The following DYRK1A variants were observed in gnomAD, a reference collection of about 807,000 sequenced individuals.
DYRK1A encodes dual specificity tyrosine-phosphorylation-regulated kinase 1A.
DYRK1A carries 9 observed loss-of-function variants against 79.7 expected under a neutral mutation model. The observed-to-expected ratio is 0.11, with a 90% CI of 0.07 to 0.20. The LOEUF (loss-of-function observed/expected upper bound fraction) is 0.20, where lower values mean the gene tolerates loss of function less well. Among genes scored for constraint, DYRK1A ranks in the 10% least tolerant of loss-of-function variants. DYRK1A has a pLI of 1.00. For synonymous variants in DYRK1A, 349 were observed against 329.7 expected (o/e 1.06, Z -0.63); for missense variants, 622 against 956.0 (o/e 0.65, Z 4.61).
intron 9 of DYRK1A, chr21:37,502,227 G>GT (rs1279716667): frequency 6.6e-6 from 1 of 151,996 alleles, no homozygotes; most frequent in Non-Finnish European, 1.5e-5. Flanking sequence ...TGATCAAGTC[G>GT]TTTTTTTAAT....
intron 1 of DYRK1A, among the ~76,000 whole-genome samples, chr21:37,394,297 C>T (rs574747868): frequency 2.0e-5 from 3 of 150,178 alleles, no homozygotes; most frequent in Non-Finnish European, 4.4e-5. Context: ...ATGTGCACAA[C>T]ATGCAGGTTT....
chr21:37,389,025 A>C (rs1199678464), intron 1 of DYRK1A, among the ~76,000 whole-genome samples: 1 of 151,360 alleles, frequency 6.6e-6, no homozygotes, highest in Non-Finnish European at 1.5e-5. Context: ...TGGCCAAAAA[A>C]AAGCTTTTAA....
intron 1 of DYRK1A, among the ~76,000 whole-genome samples, chr21:37,381,775 T>C (rs1378736994): frequency 6.6e-6 from 1 of 152,164 alleles, no homozygotes; most frequent in Non-Finnish European, 1.5e-5. Context: ...GTGAGTACAC[T>C]TTGAGTGATA....
At chr21:37,369,597 A>G (rs916571025) in intron 1 of DYRK1A, among the ~76,000 whole-genome samples, 6 of 152,264 alleles carry the variant, frequency 3.9e-5, no homozygotes, top group African/African-American at 1.4e-4. Context: ...GTTCTCTTGT[A>G]AAAAGTTCAT....
At chr21:37,493,933 C>CT (rs35158368) in intron 8 of DYRK1A, among the ~76,000 whole-genome samples, 3,205 of 114,186 alleles carry the variant, frequency 0.028, 143 homozygotes, top group African/African-American at 0.09. Flanking sequence ...TTTAATTCTT[C>CT]TTTTTTTTTT....
Position 37,411,629 on chromosome 21 carries a change from A to T in DYRK1A, c.-76-8670A>T, listed in dbSNP as rs141260516. Among the ~76,000 whole-genome samples, 29 of 152,322 alleles carry T rather than the reference A, an allele frequency of 1.9e-4. No homozygotes were observed. In the East Asian group the frequency reaches 5.2e-3, roughly 27 times the overall value. ...TAGGATTGTGACAGTGTGACTACTG[A>T]CATGGTAGTGTGCCAGTCATTTTTA... On this transcript the variant is annotated intron_variant, in intron 1 of 11. Coordinates refer to ENST00000647188, the MANE Select transcript of DYRK1A (RefSeq NM_001347721.2).
At chr21:37,493,760 C>T (rs2053171252) in intron 8 of DYRK1A, among the ~76,000 whole-genome samples, 1 of 152,032 alleles carries the variant, frequency 6.6e-6, no homozygotes, top group African/African-American at 2.4e-5. Flanking sequence ...AAAACTACAC[C>T]TGTGGGGTTT....
intron 1 of DYRK1A, among the ~76,000 whole-genome samples, chr21:37,387,809 G>A (rs1348733390): frequency 6.6e-6 from 1 of 152,176 alleles, no homozygotes; most frequent in Non-Finnish European, 1.5e-5. Context: ...AGTTTTGACT[G>A]GGTATAGAAA....
chr21:37,525,193 A>T lies in DYRK1A; in HGVS notation c.*12662A>T, dbSNP rs2053960168. ...GTTGGTAGTGGAAATATATGTGTGT[A>T]TTAGTCCATTTTCATACTGCTATAA... On this transcript the variant is annotated 3_prime_UTR_variant, in exon 12 of 12. Transcript: ENST00000647188. 6.6e-6 allele frequency: 1 copy of T among 152,270 alleles called. No individual in the cohort carries two copies. Among genetic ancestry groups the T allele is most frequent in the Non-Finnish European group, 1.5e-5 (1 of 68,070 alleles). The allele number at this position is 152,270 out of a possible 1,614,324, so 9.4% of individuals were successfully genotyped here.
intron 2 of DYRK1A, among the ~76,000 whole-genome samples, chr21:37,455,038 TC>T (rs200709682): frequency 1.1e-4 from 17 of 150,396 alleles, no homozygotes; most frequent in South Asian, 2.1e-4. Context: ...TTTTTTTTTT[TC>T]GTGCCCCAGC....
intron 1 of DYRK1A, among the ~76,000 whole-genome samples, chr21:37,416,317 CTTTTTTTT>C (rs775621138): frequency 2.0e-5 from 2 of 98,152 alleles, no homozygotes; most frequent in Non-Finnish European, 2.0e-5. Flanking sequence ...GTGTTTTGGC[CTTTTTTTT>C]TTTTTTTTTT....
intron 2 of DYRK1A, among the ~76,000 whole-genome samples, chr21:37,465,932 C>T (rs974911607): frequency 6.6e-6 from 1 of 152,166 alleles, no homozygotes. Context: ...ACATTAAAGT[C>T]CAAGAAGTGC....
rs1265956547 is a variant in DYRK1A, at chr21:37,367,511, G to C, written c.-194G>C. On this transcript the variant is annotated 5_prime_UTR_variant, in exon 1 of 12. Coordinates refer to ENST00000647188, the MANE Select transcript of DYRK1A (RefSeq NM_001347721.2). Reference sequence around the variant, plus strand: ...CGCGGCCAGGAGCCGGAGCGCCGGGGGCGGAGAGAGGCTGCCGGGGCGGCG... The same window carrying C: ...CGCGGCCAGGAGCCGGAGCGCCGGGCGCGGAGAGAGGCTGCCGGGGCGGCG... 1 of 148,932 alleles carries C rather than the reference G, an allele frequency of 6.7e-6. No individual in the cohort carries two copies. Among genetic ancestry groups the C allele is most frequent in the African/African-American group, 2.4e-5 (1 of 41,180 alleles). 9.2% of individuals were successfully genotyped at this position (148,932 alleles called of 1,614,324 possible).
intron 7 of DYRK1A, among the ~76,000 whole-genome samples, chr21:37,491,037 A>G (rs2053075275): frequency 6.6e-6 from 1 of 152,174 alleles, no homozygotes; most frequent in South Asian, 2.1e-4. Flanking sequence ...TGCATTAGTC[A>G]TGGTATAAGT....
chr21:37,498,546 C>T (rs2053344228), intron 9 of DYRK1A, among the ~76,000 whole-genome samples: 1 of 152,004 alleles, frequency 6.6e-6, no homozygotes, highest in South Asian at 2.1e-4. Context: ...TTTTTTATTG[C>T]TTCAACATAT....
chr21:37,487,831 A>T (rs1217344794), intron 6 of DYRK1A: 1 of 152,168 alleles, frequency 6.6e-6, no homozygotes, highest in East Asian at 1.9e-4. Context: ...TAATAATACC[A>T]TTCTTATCTT....
chr21:37,498,046 T>A (rs1293996772), intron 9 of DYRK1A, among the ~76,000 whole-genome samples: 1 of 152,198 alleles, frequency 6.6e-6, no homozygotes, highest in African/African-American at 2.4e-5. Flanking sequence ...GAGATACAAA[T>A]AGATGTGCAT....
intron 5 of DYRK1A, 33 bp from the exon 6 acceptor site, chr21:37,486,434 A>G (rs2052867814): frequency 2.8e-6 from 4 of 1,409,092 alleles, no homozygotes; most frequent in Non-Finnish European, 3.7e-6. Flanking sequence ...TTTGCAATTA[A>G]TGAAATAGAG....
intron 2 of DYRK1A, among the ~76,000 whole-genome samples, chr21:37,458,010 T>C (rs2051710040): frequency 6.6e-6 from 1 of 152,216 alleles, no homozygotes; most frequent in South Asian, 2.1e-4. Context: ...GAGGCTGTGG[T>C]AGGTAACCTT....
Sources: allele counts gnomAD v4.1 joint callset (sites outside exome capture counted in the v4.1 genomes callset), GRCh38; gene constraint gnomAD v4.1.1; transcripts MANE v1.5; gene names NCBI Gene and HGNC (gene_info 2026-07-23, HGNC 2026-07-21).